Variants in GRIN2B observed in about 807,000 individuals in gnomAD.
GRIN2B encodes the protein glutamate receptor ionotropic, NMDA 2B.
In GRIN2B, 5 loss-of-function variants were observed where a neutral mutation model predicts 114.5. The observed-to-expected ratio is 0.04, with a 90% CI of 0.02 to 0.09. GRIN2B has a LOEUF of 0.09. Ranked by LOEUF, GRIN2B falls within the 10% of genes least tolerant of loss-of-function variation. The pLI is 1.00. For synonymous variants in GRIN2B, 787 were observed against 745.1 expected (o/e 1.06, Z -0.92); for missense variants, 1,108 against 1,943.5 (o/e 0.57, Z 8.08).
intron 2 of GRIN2B, among the ~76,000 whole-genome samples, chr12:13,945,623 TA>T (rs1056628426): frequency 6.6e-6 from 1 of 152,194 alleles, no homozygotes; most frequent in African/African-American, 2.4e-5. Flanking sequence ...CACCAGTACC[TA>T]CCTGTGTGTA....
chr12:13,711,886 C>A (rs1241627890), intron 4 of GRIN2B, among the ~76,000 whole-genome samples: 3 of 151,978 alleles, frequency 2.0e-5, no homozygotes, highest in Non-Finnish European at 4.4e-5. Flanking sequence ...GGGTATATAC[C>A]CAAAAGATTA....
At chr12:13,750,307 T>C (rs1381379893) in intron 4 of GRIN2B, among the ~76,000 whole-genome samples, 1 of 152,208 alleles carries the variant, frequency 6.6e-6, no homozygotes, top group African/African-American at 2.4e-5. Context: ...CTCAGAGAGA[T>C]GGCAACAAAG....
intron 4 of GRIN2B, among the ~76,000 whole-genome samples, chr12:13,721,532 C>G (rs549426679): frequency 6.6e-6 from 1 of 151,998 alleles, no homozygotes; most frequent in South Asian, 2.1e-4. Flanking sequence ...GTAAGGAAAA[C>G]CTGCCTTGGT....
intron 3 of GRIN2B, among the ~76,000 whole-genome samples, chr12:13,797,207 A>G (rs1239654794): frequency 1.3e-5 from 2 of 152,124 alleles, no homozygotes; most frequent in African/African-American, 4.8e-5. Context: ...TTTACAGATG[A>G]TGCCTTCCTC....
chr12:13,742,231 A>T (rs549762253), intron 4 of GRIN2B, among the ~76,000 whole-genome samples: 7 of 152,122 alleles, frequency 4.6e-5, no homozygotes, highest in Non-Finnish European at 1.0e-4. Flanking sequence ...TCTGCTTTTC[A>T]AGGTTTTCTG....
At chr12:13,635,799 T>C (rs1331237617) in intron 5 of GRIN2B, among the ~76,000 whole-genome samples, 1 of 152,190 alleles carries the variant, frequency 6.6e-6, no homozygotes, top group African/African-American at 2.4e-5. Context: ...ACAGATTTTA[T>C]GATGGAGACC....
chr12:13,663,329 A>G, intron 5 of GRIN2B, among the ~76,000 whole-genome samples: 1 of 152,194 alleles, frequency 6.6e-6, no homozygotes, highest in African/African-American at 2.4e-5. Flanking sequence ...AGAATAAGGA[A>G]GACATAAAGG....
At chr12:13,920,107 A>T (rs1866797482) in intron 2 of GRIN2B, among the ~76,000 whole-genome samples, 1 of 151,986 alleles carries the variant, frequency 6.6e-6, no homozygotes, top group South Asian at 2.1e-4. Context: ...CACTGAAAAA[A>T]AGGAATTAGA....
intron 10 of GRIN2B, among the ~76,000 whole-genome samples, chr12:13,589,413 C>A (rs2136438215): frequency 6.6e-6 from 1 of 152,296 alleles, no homozygotes; most frequent in African/African-American, 2.4e-5. Flanking sequence ...CTGATCTTTT[C>A]TATTCTGAGG....
At chr12:13,611,979 G>T in intron 8 of GRIN2B, 129 bp from the exon 9 acceptor site, 1 of 889,826 alleles carries the variant, frequency 1.1e-6, no homozygotes, top group Non-Finnish European at 1.8e-6. Flanking sequence ...CCTTCAGGAA[G>T]CCAGGGCCTA....
Position 13,556,595 on chromosome 12 carries a change from C to T in GRIN2B, c.*6188G>A, listed in dbSNP as rs1355467321. 6.6e-6 allele frequency: 1 copy of T among 152,050 alleles called. No individual in the cohort carries two copies. The highest frequency in any genetic ancestry group is 1.5e-5 in the Non-Finnish European group (1 of 67,998). 9.4% of individuals were successfully genotyped at this position (152,050 alleles called of 1,614,324 possible). ...AGAGTTCAGGTTTAAAGTGTGGAAACCTAATCTTTAAAATAACAGTTTAAA... is the reference window on the plus strand; with the variant it reads ...AGAGTTCAGGTTTAAAGTGTGGAAATCTAATCTTTAAAATAACAGTTTAAA... On this transcript the variant is annotated 3_prime_UTR_variant, in exon 14 of 14. Coordinates refer to ENST00000609686, the MANE Select transcript of GRIN2B (RefSeq NM_000834.5).
intron 3 of GRIN2B, among the ~76,000 whole-genome samples, chr12:13,833,168 C>A (rs1310813346): frequency 6.6e-6 from 1 of 152,196 alleles, no homozygotes; most frequent in Non-Finnish European, 1.5e-5. Context: ...ATCCCCTGAA[C>A]TGAAAGTAGA....
At chr12:13,841,324 G>A (rs1014534201) in intron 3 of GRIN2B, among the ~76,000 whole-genome samples, 1 of 152,118 alleles carries the variant, frequency 6.6e-6, no homozygotes, top group Non-Finnish European at 1.5e-5. Context: ...CCACACTTTT[G>A]ATATAAACTT....
chr12:13,852,933 C>G (rs1865597112), intron 3 of GRIN2B, among the ~76,000 whole-genome samples: 1 of 152,096 alleles, frequency 6.6e-6, no homozygotes, highest in African/African-American at 2.4e-5. Flanking sequence ...TCCGGAGCAC[C>G]TCCTCAGCCT....
intron 3 of GRIN2B, among the ~76,000 whole-genome samples, chr12:13,835,771 T>TAAAAAAAAAAA (rs1165005583): frequency 8.7e-5 from 8 of 91,484 alleles, no homozygotes; most frequent in East Asian, 3.2e-4. Context: ...CATAGCACAT[T>TAAAAAAAAAAA]AAAAAAAAAA....
intron 3 of GRIN2B, among the ~76,000 whole-genome samples, chr12:13,762,463 A>G (rs1390189840): frequency 6.6e-6 from 1 of 152,252 alleles, no homozygotes; most frequent in Non-Finnish European, 1.5e-5. Context: ...TTGACGTACT[A>G]GCGGCATTTT....
chr12:13,733,851 C>A (rs1192892356), intron 4 of GRIN2B, among the ~76,000 whole-genome samples: 13 of 152,298 alleles, frequency 8.5e-5, no homozygotes, highest in Non-Finnish European at 1.3e-4. Context: ...TAAATTCTTT[C>A]TTTCCAAGTA....
chr12:13,955,588 C>T (rs2136854531), intron 2 of GRIN2B, among the ~76,000 whole-genome samples: 1 of 152,278 alleles, frequency 6.6e-6, no homozygotes, highest in East Asian at 1.9e-4. Context: ...CCTTATTCTA[C>T]TCAGCTAAAG....
At chr12:13,861,847 T>C (rs1865757915) in intron 3 of GRIN2B, among the ~76,000 whole-genome samples, 1 of 152,196 alleles carries the variant, frequency 6.6e-6, no homozygotes. Flanking sequence ...CATGATACAC[T>C]CTCACTCCCT....
Sources: gnomAD v4.1 joint callset for allele counts (sites outside exome capture counted in the v4.1 genomes callset) on GRCh38, gnomAD v4.1.1 for gene constraint, MANE v1.5 for transcripts, NCBI Gene and HGNC (gene_info 2026-07-23, HGNC 2026-07-21) for gene names.